Variants in ANKRD42 observed in about 807,000 individuals in gnomAD.
ANKRD42 encodes ankyrin repeat domain 42.
In ANKRD42, 43 loss-of-function variants were observed where a neutral mutation model predicts 51.5. The ratio of observed to expected loss-of-function variants is 0.83; its 90% CI spans 0.65 to 1.08. ANKRD42 has a LOEUF of 1.08. Ranked by LOEUF, ANKRD42 falls within the 50% of genes least tolerant of loss-of-function variation. ANKRD42 has a pLI of 0.00. For missense variants in ANKRD42, 608 were observed against 629.3 expected, an observed-to-expected ratio of 0.97 and a Z score of 0.36; for synonymous variants, 203 against 213.0, an observed-to-expected ratio of 0.95 and a Z score of 0.41.
intron 9 of ANKRD42, 44 bp downstream of exon 9, chr11:83,240,978 C>T: frequency 1.3e-6 from 2 of 1,558,768 alleles, no homozygotes; most frequent in South Asian, 1.2e-5. Flanking sequence ...TCAGAAATAC[C>T]ACAGCCACTT....
At chr11:83,204,845 C>A (rs1359494595) in intron 2 of ANKRD42, among the ~76,000 whole-genome samples, 1 of 151,920 alleles carries the variant, frequency 6.6e-6, no homozygotes, top group Non-Finnish European at 1.5e-5. Flanking sequence ...TTTTAATGGG[C>A]AAAAGACTTC....
At position 83,213,218 on chromosome 11, in the gene ANKRD42, A is replaced by G. The variant is rs569553665; in HGVS notation, c.586+1788A>G. 59 of 1,599,688 alleles carry G rather than the reference A, an allele frequency of 3.7e-5. No individual in the cohort carries two copies. The East Asian group carries it at 1.1e-3, about 30-fold the overall frequency. ...AAAAAAAACAAAGCACATGCTGCCT[A>G]CTGACTTCTGGAAGTTCCTGGTCCA... On this transcript the variant is annotated intron_variant, in intron 5 of 10. Transcript: ENST00000533342.
chr11:83,244,155 AT>A, intron 9 of ANKRD42, among the ~76,000 whole-genome samples: 1 of 150,906 alleles, frequency 6.6e-6, no homozygotes, highest in Non-Finnish European at 1.5e-5. Context: ...TAATTTTTGT[AT>A]TTTTAGTAGA....
intron 5 of ANKRD42, among the ~76,000 whole-genome samples, chr11:83,221,961 G>C (rs966204384): frequency 6.6e-6 from 1 of 152,230 alleles, no homozygotes; most frequent in Non-Finnish European, 1.5e-5. Flanking sequence ...GGGAGCCCAA[G>C]ATGATAGGGA....
At chr11:83,244,771 A>T (rs982580503) in intron 9 of ANKRD42, among the ~76,000 whole-genome samples, 13 of 152,374 alleles carry the variant, frequency 8.5e-5, no homozygotes, top group African/African-American at 3.1e-4. Flanking sequence ...ATTCTCTTGC[A>T]TAGGTACTAC....
chr11:83,249,869 A>G (rs979089198), downstream of ANKRD42, among the ~76,000 whole-genome samples: 1 of 152,088 alleles, frequency 6.6e-6, no homozygotes, highest in Non-Finnish European at 1.5e-5. Flanking sequence ...AATAATACCT[A>G]CCTCATGGAA....
intron 7 of ANKRD42, among the ~76,000 whole-genome samples, chr11:83,231,835 G>A (rs1318428008): frequency 6.6e-6 from 1 of 152,090 alleles, no homozygotes; most frequent in Non-Finnish European, 1.5e-5. Context: ...GTATGTTCTT[G>A]TATGTTCTTA....
At chr11:83,235,194 G>A (rs553686159) in intron 7 of ANKRD42, among the ~76,000 whole-genome samples, 1 of 152,194 alleles carries the variant, frequency 6.6e-6, no homozygotes, top group East Asian at 1.9e-4. Context: ...TGCAATTAAT[G>A]GCCAAAAATA....
chr11:83,236,703 C>T (rs555363), intron 8 of ANKRD42, among the ~76,000 whole-genome samples, 194 bp downstream of exon 8: 39,969 of 151,994 alleles, frequency 0.26, 5,405 homozygotes, highest in Middle Eastern at 0.41. Context: ...TAATTCTCCA[C>T]TGGGAGGTAA....
At chr11:83,247,039 C>A (rs928614262) in intron 10 of ANKRD42, among the ~76,000 whole-genome samples, 2 of 151,776 alleles carry the variant, frequency 1.3e-5, no homozygotes, top group African/African-American at 2.4e-5. Context: ...AAATCAGGAG[C>A]TTTCTTGGTA....
At chr11:83,212,573 G>A (rs575238317) in intron 5 of ANKRD42, 377 of 1,152,616 alleles carry the variant, frequency 3.3e-4, no homozygotes, top group Non-Finnish European at 4.5e-4. Flanking sequence ...ATACTTAAAT[G>A]ATACCTTAAA....
downstream of ANKRD42, among the ~76,000 whole-genome samples, chr11:83,253,612 G>A (rs907098751): frequency 5.3e-5 from 8 of 152,158 alleles, no homozygotes; most frequent in Non-Finnish European, 8.8e-5. Context: ...TGCTTTTGGT[G>A]CCTAAGCATT....
intron 5 of ANKRD42, chr11:83,214,932 C>T (rs1325090408): frequency 1.3e-5 from 2 of 152,206 alleles, no homozygotes; most frequent in African/African-American, 4.8e-5. Flanking sequence ...TCTCTATCTT[C>T]ATGAGACCAG....
chr11:83,210,439 A>G lies in ANKRD42; in HGVS notation c.450+20A>G, dbSNP rs1271138949. 6.2e-7 allele frequency: 1 copy of G among 1,612,810 alleles called. No individual in the cohort carries two copies. Among genetic ancestry groups the G allele is most frequent in the Admixed American group, 1.7e-5 (1 of 59,988 alleles). On this transcript the variant is annotated intron_variant, in intron 4 of 10. Transcript: ENST00000533342. ...GGAGTGGTGAGTGACTCCTGTTAAT[A>G]TGTGCTAATGTGTGATAATATAGAT... is the stretch of plus-strand genomic sequence containing the variant.
chr11:83,197,930 T>C (rs1307546800), intron 1 of ANKRD42, among the ~76,000 whole-genome samples: 3 of 152,180 alleles, frequency 2.0e-5, no homozygotes, highest in Admixed American at 2.0e-4. Context: ...ATGGGGCATA[T>C]TTCAAAATGG....
intron 7 of ANKRD42, 95 bp downstream of exon 7, chr11:83,227,967 A>G: frequency 7.0e-7 from 1 of 1,431,684 alleles, no homozygotes; most frequent in Non-Finnish European, 9.3e-7. Context: ...TGAAACATGA[A>G]ACTTTTTTCT....
chr11:83,223,348 G>A (rs927029480), intron 5 of ANKRD42, among the ~76,000 whole-genome samples: 2 of 152,288 alleles, frequency 1.3e-5, no homozygotes, highest in South Asian at 2.1e-4. Context: ...GAGTAATTGG[G>A]AACCTGATGC....
Position 83,194,478 on chromosome 11 carries a change from G to T in ANKRD42, c.-193G>T. On this transcript the variant is annotated 5_prime_UTR_variant, in exon 1 of 11. Transcript: ENST00000533342. ...GCTACCGCTTCAGTGGCTTTTGGGA[G>T]AGAGAAAGTGAAGACGAAGGTTTCC... is the stretch of plus-strand genomic sequence containing the variant. 1.4e-6 allele frequency: 1 copy of T among 707,604 alleles called. No individual in the cohort carries two copies. Among genetic ancestry groups the T allele is most frequent in the Non-Finnish European group, 2.6e-6 (1 of 389,578 alleles). The allele number at this position is 707,604 out of a possible 1,614,324, so 43.8% of individuals were successfully genotyped here.
intron 3 of ANKRD42, chr11:83,209,926 C>CT: frequency 2.6e-6 from 1 of 386,944 alleles, no homozygotes; most frequent in Non-Finnish European, 4.7e-6. Context: ...GAGGAAGCAT[C>CT]TGAGTTTGAG....
Sources: allele counts gnomAD v4.1 joint callset (sites outside exome capture counted in the v4.1 genomes callset), GRCh38; gene constraint gnomAD v4.1.1; transcripts MANE v1.5; gene names NCBI Gene and HGNC (gene_info 2026-07-23, HGNC 2026-07-21).